Variants in FBXL2 observed in about 807,000 individuals in gnomAD.
FBXL2 encodes the protein F-box and leucine rich repeat protein 2.
Under a neutral mutation model 69.2 loss-of-function variants are expected in FBXL2, and 38 were observed. The observed-to-expected ratio is 0.55, with a 90% CI of 0.42 to 0.72. The LOEUF (loss-of-function observed/expected upper bound fraction) is 0.72, where lower values mean the gene tolerates loss of function less well. FBXL2 is among the 30% of genes least tolerant of loss of function. The pLI is 0.00. For missense variants in FBXL2, 354 were observed against 520.3 expected, an observed-to-expected ratio of 0.68 and a Z score of 3.11; for synonymous variants, 192 against 201.3, an observed-to-expected ratio of 0.95 and a Z score of 0.39.
intron 2 of FBXL2, among the ~76,000 whole-genome samples, chr3:33,336,459 T>C (rs1425223585): frequency 6.6e-6 from 1 of 152,160 alleles, no homozygotes; most frequent in Non-Finnish European, 1.5e-5. Context: ...TTCATAGATA[T>C]AAATGTGAAA....
At chr3:33,334,958 G>A (rs781345470) in intron 2 of FBXL2, among the ~76,000 whole-genome samples, 4 of 151,866 alleles carry the variant, frequency 2.6e-5, no homozygotes, top group African/African-American at 9.7e-5. Context: ...TATGTATGTC[G>A]GGCATGGTGG....
At chr3:33,369,490 C>T (rs1393413700) in intron 5 of FBXL2, among the ~76,000 whole-genome samples, 1 of 152,186 alleles carries the variant, frequency 6.6e-6, no homozygotes, top group Non-Finnish European at 1.5e-5. Context: ...TATTGTATTA[C>T]ATAACACTTC....
chr3:33,399,501 A>G (rs2044140289), intron 12 of FBXL2, among the ~76,000 whole-genome samples: 1 of 152,228 alleles, frequency 6.6e-6, no homozygotes, highest in Non-Finnish European at 1.5e-5. Flanking sequence ...AACTACTGAT[A>G]AACACAACAA....
intron 2 of FBXL2, among the ~76,000 whole-genome samples, chr3:33,302,037 G>T (rs541111251): frequency 6.6e-6 from 1 of 152,178 alleles, no homozygotes; most frequent in East Asian, 1.9e-4. Context: ...TTAAATAAAT[G>T]TTCGCTCTTA....
intron 12 of FBXL2, chr3:33,393,329 T>G: frequency 1.2e-6 from 2 of 1,606,846 alleles, no homozygotes; most frequent in Non-Finnish European, 1.7e-6. Flanking sequence ...CTAACAAGAA[T>G]GTGAATACCG....
chr3:33,360,012 G>A (rs2041497611), intron 4 of FBXL2, among the ~76,000 whole-genome samples: 1 of 152,060 alleles, frequency 6.6e-6, no homozygotes, highest in East Asian at 1.9e-4. Flanking sequence ...AGAAAGTTTA[G>A]GCAGGGAATA....
Position 33,384,205 on chromosome 3 carries a change from G to C in FBXL2, c.1164+4G>C, listed in dbSNP as rs773948964. 11 of 1,613,340 alleles carry C rather than the reference G, an allele frequency of 6.8e-6. No homozygotes were observed. The African/African-American group carries it at 1.5e-4, about 22-fold the overall frequency. ...TGCAGGCATCAAGCGGATGCGGGTA[G>C]GTATGGGGCAGGGGAGTCAGTCACA... On this transcript the variant is annotated splice_donor_region_variant and intron_variant, in intron 14 of 14. Transcript: ENST00000484457.
At chr3:33,372,860 G>T in intron 5 of FBXL2, 1 of 594,602 alleles carries the variant, frequency 1.7e-6, no homozygotes, top group Non-Finnish European at 3.0e-6. Context: ...CTCAAAACGT[G>T]GTCCCTAGAC....
intron 1 of FBXL2, among the ~76,000 whole-genome samples, chr3:33,296,833 CA>C (rs778930046): frequency 4.7e-4 from 72 of 152,238 alleles, no homozygotes; most frequent in East Asian, 2.9e-3. Flanking sequence ...TTGCGTCCTT[CA>C]ACTCTTGTTT....
chr3:33,365,006 T>C (rs2041861828), intron 5 of FBXL2, among the ~76,000 whole-genome samples: 1 of 152,176 alleles, frequency 6.6e-6, no homozygotes, highest in Admixed American at 6.5e-5. Context: ...GTCATAGGCA[T>C]AACAAGAAAT....
At chr3:33,323,532 T>G (rs1454123765) in intron 2 of FBXL2, among the ~76,000 whole-genome samples, 2 of 152,146 alleles carry the variant, frequency 1.3e-5, no homozygotes, top group African/African-American at 4.8e-5. Flanking sequence ...ATTGTTCAGC[T>G]CTCACTTACG....
intron 2 of FBXL2, among the ~76,000 whole-genome samples, chr3:33,341,518 G>A (rs1331343591): frequency 6.6e-6 from 1 of 152,068 alleles, no homozygotes; most frequent in African/African-American, 2.4e-5. Context: ...GAAATGGAGG[G>A]TAGTACTGTG....
At chr3:33,307,927 T>C (rs541455541) in intron 2 of FBXL2, among the ~76,000 whole-genome samples, 1 of 152,324 alleles carries the variant, frequency 6.6e-6, no homozygotes, top group Non-Finnish European at 1.5e-5. Context: ...TATTTGATAA[T>C]TTTCAGTCCA....
chr3:33,400,169 A>T (rs776906069), intron 12 of FBXL2: 2 of 1,427,752 alleles, frequency 1.4e-6, no homozygotes, highest in Non-Finnish European at 1.9e-6. Flanking sequence ...ATGCACAGAT[A>T]CACACACACA....
intron 12 of FBXL2, chr3:33,396,814 C>G: frequency 1.5e-6 from 1 of 665,320 alleles, no homozygotes; most frequent in South Asian, 1.5e-5. Context: ...TGCCCATGTG[C>G]ATTTCTACCA....
chr3:33,347,057 C>T lies in FBXL2; in HGVS notation c.66-11910C>T, dbSNP rs574003713. ...GTGCTATCAAATACTAGGTCTTATT[C>T]GTTCTTTCTAACTACTTTTCTTACC... is the stretch of plus-strand genomic sequence containing the variant. On this transcript the variant is annotated intron_variant, in intron 2 of 14. Coordinates refer to ENST00000484457, the MANE Select transcript of FBXL2 (RefSeq NM_012157.5). 3.9e-5 allele frequency among the ~76,000 whole-genome samples: 6 copies of T among 152,244 alleles called. No individual in the cohort carries two copies. In the South Asian group the frequency reaches 1.0e-3, roughly 26 times the overall value.
intron 13 of FBXL2, among the ~76,000 whole-genome samples, chr3:33,382,098 C>A (rs1046058994): frequency 9.2e-5 from 14 of 152,146 alleles, no homozygotes; most frequent in Non-Finnish European, 2.1e-4. Context: ...TGCAGGAATA[C>A]CTTACACCCA....
intron 2 of FBXL2, among the ~76,000 whole-genome samples, chr3:33,325,971 A>G (rs1293928631): frequency 1.3e-5 from 2 of 152,224 alleles, no homozygotes; most frequent in African/African-American, 2.4e-5. Flanking sequence ...GAGATTGTGC[A>G]TACATATCAG....
At chr3:33,398,545 A>C (rs1485424641) in intron 12 of FBXL2, 1 of 152,440 alleles carries the variant, frequency 6.6e-6, no homozygotes, top group African/African-American at 2.4e-5. Context: ...CCCAAGGATC[A>C]GAGCAAGAAG....
Sources: gnomAD v4.1 joint callset for allele counts (sites outside exome capture counted in the v4.1 genomes callset) on GRCh38, gnomAD v4.1.1 for gene constraint, MANE v1.5 for transcripts, NCBI Gene and HGNC (gene_info 2026-07-23, HGNC 2026-07-21) for gene names.